The following GJD2 variants were observed in gnomAD, a reference collection of about 807,000 sequenced individuals.
GJD2 encodes the protein gap junction delta-2 protein.
In GJD2, 12 loss-of-function variants were observed where a neutral mutation model predicts 24.3. That is an observed-to-expected ratio of 0.49 (90% CI 0.32 to 0.80). The LOEUF is 0.80. Ranked by LOEUF, GJD2 falls within the 30% of genes least tolerant of loss-of-function variation. The pLI, the probability that GJD2 is intolerant of heterozygous loss-of-function variation, is 0.04. For missense variants in GJD2, 268 were observed against 402.4 expected, an observed-to-expected ratio of 0.67 and a Z score of 2.86; for synonymous variants, 171 against 155.2, an observed-to-expected ratio of 1.10 and a Z score of -0.76.
In GJD2 at chr15:34,751,298, A is replaced by G. The variant is rs947810318; in HGVS notation, c.*1180T>C. 19 of 152,246 alleles carry G rather than the reference A, an allele frequency of 1.2e-4. No homozygotes were observed. Among genetic ancestry groups the G allele is most frequent in the African/African-American group, 4.3e-4 (18 of 41,470 alleles). 9.4% of individuals were successfully genotyped at this position (152,246 alleles called of 1,614,324 possible). A position where few individuals can be genotyped will look rare whatever the true frequency, so the allele number is the denominator to read the frequency against. On this transcript the variant is annotated 3_prime_UTR_variant, in exon 2 of 2. Transcript: ENST00000290374. Reference sequence around the variant, plus strand: ...TGCAATAGGTTTTTGAACCTTTGGTATATGTCTCAAATAAGTCACCGTAAA... The same window carrying G: ...TGCAATAGGTTTTTGAACCTTTGGTGTATGTCTCAAATAAGTCACCGTAAA...
In GJD2 at chr15:34,752,619, C is replaced by A; in HGVS notation, c.825G>T (p.Leu275=). 3.1e-6 allele frequency: 5 copies of A among 1,614,202 alleles called. No homozygotes were observed. Among genetic ancestry groups the A allele is most frequent in the Non-Finnish European group, 4.2e-6 (5 of 1,180,038 alleles). ...VVLNLAELNH[L]GWRKIKLAVR... ...CAGCCAGCTTGATCTTGCGCCATCC[C>A]AGGTGGTTGAGTTCAGCCAGGTTGA... The change falls in exon 2 of 2, where the codon CTG becomes CTT. Residue 275 remains leucine (L), a synonymous_variant. Coordinates refer to ENST00000290374, the MANE Select transcript of GJD2 (RefSeq NM_020660.3).
In GJD2 at chr15:34,752,762, A is replaced by G. The variant is rs1379230828; in HGVS notation, c.682T>C (p.Leu228=). 1 of 1,614,052 alleles carries G rather than the reference A, an allele frequency of 6.2e-7. No individual in the cohort carries two copies. Among genetic ancestry groups the G allele is most frequent in the Non-Finnish European group, 8.5e-7 (1 of 1,180,000 alleles). Reference sequence around the variant, plus strand: ...CAGGGGTAGCGGTTACACTCATACAACCCTGGGACACTAAAGCCATAGAGA... The same window carrying G: ...CAGGGGTAGCGGTTACACTCATACAGCCCTGGGACACTAAAGCCATAGAGA... The part of the protein sequence containing the change: ...YFLYGFSVPG[L]YECNRYPCIK... The change falls in exon 2 of 2, where the codon TTG becomes CTG. Residue 228 remains leucine (L), a synonymous_variant. Coordinates refer to ENST00000290374, the MANE Select transcript of GJD2 (RefSeq NM_020660.3).
Position 34,752,424 on chromosome 15 carries a change from T to C in GJD2, c.*54A>G, listed in dbSNP as rs199863427. 2.0e-5 allele frequency: 29 copies of C among 1,460,928 alleles called. No individual in the cohort carries two copies. Among genetic ancestry groups the C allele is most frequent in the Non-Finnish European group, 2.6e-5 (27 of 1,057,316 alleles). The allele number at this position is 1,460,928 out of a possible 1,614,324, so 90.5% of individuals were successfully genotyped here. On this transcript the variant is annotated 3_prime_UTR_variant, in exon 2 of 2. Coordinates refer to ENST00000290374, the MANE Select transcript of GJD2 (RefSeq NM_020660.3). The stretch of plus-strand genomic sequence containing the variant: ...GGTGGATACAGCCACGTCTGAGCAG[T>C]CATCTGCCTTGGGGCTCCTTGCCAT...
chr15:34,752,491 G>A lies in GJD2; in HGVS notation c.953C>T (p.Ser318Phe). 6.2e-7 allele frequency: 1 copy of A among 1,613,902 alleles called. No individual in the cohort carries two copies. Among genetic ancestry groups the A allele is most frequent in the African/African-American group, 1.3e-5 (1 of 75,048 alleles). Reference sequence around the variant, plus strand: ...AAACCTGCCCTCTCACACATAGGCAGAGTCACTGGACTGAGTCCTGCCAAA... The same window carrying A: ...AAACCTGCCCTCTCACACATAGGCAAAGTCACTGGACTGAGTCCTGCCAAA... ...PNFGRTQSSDSAYV is the reference protein window; with the variant it reads ...PNFGRTQSSDFAYV The change falls in exon 2 of 2, where the codon TCT becomes TTT. Residue 318 changes from serine (S) to phenylalanine (F), a missense_variant. Physicochemically the swap from Ser to Phe is radical, Grantham distance 155. Coordinates refer to ENST00000290374, the MANE Select transcript of GJD2 (RefSeq NM_020660.3).
chr15:34,752,450 C>A lies in GJD2; in HGVS notation c.*28G>T. 1 of 1,595,598 alleles carries A rather than the reference C, an allele frequency of 6.3e-7. No homozygotes were observed. Among genetic ancestry groups the A allele is most frequent in the Admixed American group, 1.7e-5 (1 of 59,304 alleles). On this transcript the variant is annotated 3_prime_UTR_variant, in exon 2 of 2. Transcript: ENST00000290374. Reference sequence around the variant, plus strand: ...CATCTGCCTTGGGGCTCCTTGCCATCCCCCAGACCTTCATGAAACCTGCCC... The same window carrying A: ...CATCTGCCTTGGGGCTCCTTGCCATACCCCAGACCTTCATGAAACCTGCCC...
At position 34,754,443 on chromosome 15, in the gene GJD2, G is replaced by T. The variant is rs765565710; in HGVS notation, c.46C>A (p.Gln16Lys). Residue 16 changes from glutamine (Q) to lysine (K), a missense_variant, in exon 1 of 2, where the codon CAG becomes AAG. Coordinates refer to ENST00000290374, the MANE Select transcript of GJD2 (RefSeq NM_020660.3). This position sits in a 1 kb window ranked among gnomAD's most constrained non-coding sequence, Gnocchi z 5.9. Reference protein sequence around the residue: ...ILERLLEAAVQQHSTMIGRIL... With the variant: ...ILERLLEAAVKQHSTMIGRIL... ...CTCCCGATCATAGTGGAGTGCTGCTGCACCGCGGCTTCTAGCAGCCTCTCC... is the reference window on the plus strand; with the variant it reads ...CTCCCGATCATAGTGGAGTGCTGCTTCACCGCGGCTTCTAGCAGCCTCTCC... 6.2e-7 allele frequency: 1 copy of T among 1,613,862 alleles called. No individual in the cohort carries two copies. The highest frequency in any genetic ancestry group is 1.7e-5 in the Admixed American group (1 of 60,018).
In GJD2 at chr15:34,751,888, C is replaced by T. The variant is rs1891107338; in HGVS notation, c.*590G>A. 1 of 143,332 alleles carries T rather than the reference C, an allele frequency of 7.0e-6. No individual in the cohort carries two copies. The highest frequency in any genetic ancestry group is 2.2e-4 in the South Asian group (1 of 4,524). The allele number at this position is 143,332 out of a possible 1,614,324, so 8.9% of individuals were successfully genotyped here. ...TCTGCCATGGCCGTTCTCCAATAAG[C>T]ACCCCATGTAATTCCCTCTAAGTTT... On this transcript the variant is annotated 3_prime_UTR_variant, in exon 2 of 2. Transcript: ENST00000290374.
At chr15:34,753,454 CTGG>C in intron 1 of GJD2, 82 bp from the exon 2 acceptor site, 1 of 1,296,510 alleles carries the variant, frequency 7.7e-7, no homozygotes, top group Non-Finnish European at 1.1e-6. Flanking sequence ...CTTCCCTTTG[CTGG>C]TGTTTACCAG....
At position 34,754,292 on chromosome 15, in the gene GJD2, C is replaced by T; in HGVS notation, c.71+126G>A. On this transcript the variant is annotated intron_variant, in intron 1 of 1. Coordinates refer to ENST00000290374, the MANE Select transcript of GJD2 (RefSeq NM_020660.3). This position sits in a 1 kb window ranked among gnomAD's most constrained non-coding sequence, Gnocchi z 5.9. ...TCGCCGGGAACACCGGAGCCTTGAC[C>T]TAGGACGATGGGGAGGAGGCAGAGG... The T allele has an allele frequency of 1.1e-5, 8 of 720,428 alleles. No homozygotes were observed. In the South Asian group the frequency reaches 1.3e-4, roughly 12 times the overall value. 44.6% of individuals were successfully genotyped at this position (720,428 alleles called of 1,614,324 possible). A position where few individuals can be genotyped will look rare whatever the true frequency, so the allele number is the denominator to read the frequency against.
chr15:34,754,319 C>A lies in GJD2; in HGVS notation c.71+99G>T. On this transcript the variant is annotated intron_variant, in intron 1 of 1. Transcript: ENST00000290374. The surrounding 1 kb of genome is among the most constrained non-coding windows in gnomAD (Gnocchi z 5.9). ...AGGACGATGGGGAGGAGGCAGAGGA[C>A]GGACTGGGGATTGGAGCGGGAGACT... 4.8e-6 allele frequency: 4 copies of A among 834,114 alleles called. No individual in the cohort carries two copies. Among genetic ancestry groups the A allele is most frequent in the Middle Eastern group, 6.6e-4 (2 of 3,008 alleles). 51.7% of individuals were successfully genotyped at this position (834,114 alleles called of 1,614,324 possible).
In GJD2 at chr15:34,752,724, C is replaced by T. The variant is rs1418856052; in HGVS notation, c.720G>A (p.Val240=). The change falls in exon 2 of 2, where the codon GTG becomes GTA. Residue 240 remains valine, a synonymous_variant. Transcript: ENST00000290374. The part of the protein sequence containing the change: ...ECNRYPCIKE[V]ECYVSRPTEK... Reference sequence around the variant, plus strand: ...CAGTTGGCCGGGACACATAACATTCCACCTCCTTGATGCAGGGGTAGCGGT... The same window carrying T: ...CAGTTGGCCGGGACACATAACATTCTACCTCCTTGATGCAGGGGTAGCGGT... 6.2e-7 allele frequency: 1 copy of T among 1,614,178 alleles called. No homozygotes were observed. The highest frequency in any genetic ancestry group is 8.5e-7 in the Non-Finnish European group (1 of 1,180,030).
rs1388959195 is a variant in GJD2 at position 34,751,762 on chromosome 15, C to T, written c.*716G>A. ...CCACCCATCCCCCATCCCTAGTAAA[C>T]AGCACCAGTGCAGTTTGAGTTAGAA... On this transcript the variant is annotated 3_prime_UTR_variant, in exon 2 of 2. Coordinates refer to ENST00000290374, the MANE Select transcript of GJD2 (RefSeq NM_020660.3). The T allele has an allele frequency of 9.8e-6, 1 of 101,874 alleles. No individual in the cohort carries two copies. The highest frequency in any genetic ancestry group is 1.8e-5 in the Non-Finnish European group (1 of 55,630). The allele number at this position is 101,874 out of a possible 1,614,324, so 6.3% of individuals were successfully genotyped here. A position where few individuals can be genotyped will look rare whatever the true frequency, so the allele number is the denominator to read the frequency against.
At chr15:34,753,883 G>T (rs200885310) in intron 1 of GJD2, among the ~76,000 whole-genome samples, 1 of 143,500 alleles carries the variant, frequency 7.0e-6, no homozygotes, top group Non-Finnish European at 1.5e-5. Flanking sequence ...TATATATAAA[G>T]CTAGGTAGAT....
In GJD2 at chr15:34,752,710, G is replaced by A; in HGVS notation, c.734C>T (p.Ser245Phe). The change falls in exon 2 of 2, where the codon TCC becomes TTC. Residue 245 changes from serine to phenylalanine, a missense_variant. Physicochemically the swap from Ser to Phe is radical, Grantham distance 155. Coordinates refer to ENST00000290374, the MANE Select transcript of GJD2 (RefSeq NM_020660.3). The stretch of plus-strand genomic sequence containing the variant: ...AAAGACAGTCTTCTCAGTTGGCCGG[G>A]ACACATAACATTCCACCTCCTTGAT... ...PCIKEVECYV[S>F]RPTEKTVFLV... is the part of the protein sequence containing the mutation. 1 of 1,614,136 alleles carries A rather than the reference G, an allele frequency of 6.2e-7. No individual in the cohort carries two copies. The highest frequency in any genetic ancestry group is 1.3e-5 in the African/African-American group (1 of 75,028).
At position 34,754,609 on chromosome 15, in the gene GJD2, A is replaced by G. The variant is rs1311299546; in HGVS notation, c.-121T>C. On this transcript the variant is annotated 5_prime_UTR_variant, in exon 1 of 2. Transcript: ENST00000290374. The surrounding 1 kb of genome is among the most constrained non-coding windows in gnomAD (Gnocchi z 5.9). Reference sequence around the variant, plus strand: ...GAATTGCCTCCCAATTAAAGAAGCAATTTTTTAAAAAATCCTCGAATCCCC... The same window carrying G: ...GAATTGCCTCCCAATTAAAGAAGCAGTTTTTTAAAAAATCCTCGAATCCCC... 5 of 729,860 alleles carry G rather than the reference A, an allele frequency of 6.9e-6. No homozygotes were observed. Among genetic ancestry groups the G allele is most frequent in the Admixed American group, 2.3e-5 (1 of 43,964 alleles). The allele number at this position is 729,860 out of a possible 1,614,324, so 45.2% of individuals were successfully genotyped here.
In GJD2 at chr15:34,752,250, T is replaced by G; in HGVS notation, c.*228A>C. ...AAAGGGACCAAAGAAGTCTAATTGATCCATTTCATCACTCTACCCAATCGT... is the reference window on the plus strand; with the variant it reads ...AAAGGGACCAAAGAAGTCTAATTGAGCCATTTCATCACTCTACCCAATCGT... On this transcript the variant is annotated 3_prime_UTR_variant, in exon 2 of 2. Coordinates refer to ENST00000290374, the MANE Select transcript of GJD2 (RefSeq NM_020660.3). 1.8e-6 allele frequency: 1 copy of G among 560,978 alleles called. No homozygotes were observed. The highest frequency in any genetic ancestry group is 3.2e-6 in the Non-Finnish European group (1 of 314,592). 34.8% of individuals were successfully genotyped at this position (560,978 alleles called of 1,614,324 possible).
rs571006259 is a variant in GJD2 at position 34,752,910 on chromosome 15, T to C, written c.534A>G (p.Pro178=). ...CLEVKELTPH[P]SGLRTASKSK... is the part of the protein sequence containing the mutation. ...ATTTTGATGCAGTGCGTAGACCTGA[T>C]GGGTGTGGAGTCAGCTCCTTAACCT... Residue 178 remains proline, a synonymous_variant, in exon 2 of 2, where the codon CCA becomes CCG. Transcript: ENST00000290374. 2 of 1,614,148 alleles carry C rather than the reference T, an allele frequency of 1.2e-6. No individual in the cohort carries two copies. Among genetic ancestry groups the C allele is most frequent in the African/African-American group, 1.3e-5 (1 of 75,020 alleles).
chr15:34,752,992 T>C lies in GJD2; in HGVS notation c.452A>G (p.Asn151Ser). 6.2e-7 allele frequency: 1 copy of C among 1,614,158 alleles called. No individual in the cohort carries two copies. The highest frequency in any genetic ancestry group is 1.7e-5 in the Admixed American group (1 of 60,022). ...EDKKLQNAIV[N>S]GVLQNTENTS... ...GTTCTCTGTGTTCTGCAGCACCCCA[T>C]TCACAATAGCATTTTGCAACTTCTT... The change falls in exon 2 of 2, where the codon AAT becomes AGT. Residue 151 changes from asparagine to serine, a missense_variant. Asn to Ser is a conservative substitution (Grantham distance 46, BLOSUM62 1). Around this residue, in one of 3 missense-constraint regions of GJD2, gnomAD observed 87 missense variants for 77.8 expected, o/e 1.12. Transcript: ENST00000290374.
rs200313277 is a variant in GJD2, at chr15:34,752,846, T to C, written c.598A>G (p.Ile200Val). 20 of 1,614,016 alleles carry C rather than the reference T, an allele frequency of 1.2e-5. No homozygotes were observed. The highest frequency in any genetic ancestry group is 1.1e-4 in the South Asian group (10 of 91,080). The change falls in exon 2 of 2, where the codon ATT becomes GTT. Residue 200 changes from isoleucine to valine, a missense_variant. This residue lies in a region of GJD2 where 115 missense variants were observed against 195.2 expected (regional missense o/e 0.59). Transcript: ENST00000290374. ...RRQEGISRFY[I>V]IQVVFRNALE... ...GCATTTCGGAACACCACTTGGATAA[T>C]GTAGAAGCGGGAGATGCCTTCCTGC...
Sources: allele counts gnomAD v4.1 joint callset (sites outside exome capture counted in the v4.1 genomes callset), GRCh38; gene constraint gnomAD v4.1.1; regional missense constraint gnomAD v4.1.1; non-coding constraint Gnocchi (gnomAD v3.1); transcripts MANE v1.5; gene names NCBI Gene and HGNC (gene_info 2026-07-23, HGNC 2026-07-21).